CHD6: variants seen among roughly 807,000 people sequenced by gnomAD.
The protein encoded by CHD6 is chromodomain helicase DNA binding protein 6.
CHD6 carries 50 observed loss-of-function variants against 276.9 expected under a neutral mutation model. The ratio of observed to expected loss-of-function variants is 0.18; its 90% CI spans 0.14 to 0.23. The LOEUF (loss-of-function observed/expected upper bound fraction) is 0.23. Ranked by LOEUF, CHD6 falls within the 10% of genes least tolerant of loss-of-function variation. CHD6 has a pLI of 1.00. For missense variants in CHD6, 2,564 were observed against 3,365.8 expected (o/e 0.76, Z 5.89); for synonymous variants, 1,173 against 1,229.3 (o/e 0.95, Z 0.96).
chr20:41,406,451 G>C (rs1239138997), intron 36 of CHD6, among the ~76,000 whole-genome samples: 1 of 152,210 alleles, frequency 6.6e-6, no homozygotes, highest in African/African-American at 2.4e-5. Flanking sequence ...AATCCTGGGG[G>C]AGGGCAGATT....
At position 41,405,465 on chromosome 20, in the gene CHD6, T is replaced by C; in HGVS notation, c.7276A>G (p.Asn2426Asp). The C allele has an allele frequency of 6.4e-7, 1 of 1,556,110 alleles. No homozygotes were observed. The highest frequency in any genetic ancestry group is 8.7e-7 in the Non-Finnish European group (1 of 1,152,838). ...LRGFLPENKF[N>D]HTLAEPILRD... ...AGAATAGGCTCAGCCAGAGTGTGAT[T>C]GAACTTGTTTTCTGGAAGAAACCCC... The change falls in exon 37 of 37, where the codon AAT becomes GAT. Residue 2426 changes from asparagine (N) to aspartate (D), a missense_variant. Asn to Asp is a conservative substitution (Grantham distance 23). Around this residue, in one of 7 missense-constraint regions of CHD6, gnomAD observed 1,024 missense variants for 1,047.9 expected, o/e 0.98. Coordinates refer to ENST00000373233, the MANE Select transcript of CHD6 (RefSeq NM_032221.5).
intron 2 of CHD6, among the ~76,000 whole-genome samples, chr20:41,545,979 C>T (rs2045032744): frequency 6.6e-6 from 1 of 152,108 alleles, no homozygotes; most frequent in African/African-American, 2.4e-5. Flanking sequence ...CATGATCTTC[C>T]ACCACAAGGT....
At position 41,591,409 on chromosome 20, in the gene CHD6, T is replaced by C. The variant is rs868474721; in HGVS notation, c.-24+26931A>G. ...ACACACACACACACACACACACACA[T>C]ATATATATACATATATATATAAAAG... On this transcript the variant is annotated intron_variant, in intron 1 of 36. Transcript: ENST00000373233. Among the ~76,000 whole-genome samples, 885 of 136,760 alleles carry C rather than the reference T, an allele frequency of 6.5e-3. 5 individuals carry two copies. Among genetic ancestry groups the C allele is most frequent in the Middle Eastern group, 0.027 (7 of 264 alleles). 89.7% of individuals were successfully genotyped at this position (136,760 alleles called of 152,430 possible). A position where few individuals can be genotyped will look rare whatever the true frequency, so the allele number is the denominator to read the frequency against.
At chr20:41,503,083 T>C (rs2043876694) in intron 5 of CHD6, among the ~76,000 whole-genome samples, 1 of 152,222 alleles carries the variant, frequency 6.6e-6, no homozygotes, top group Admixed American at 6.5e-5. Flanking sequence ...GTCTTCTTTT[T>C]CATAGCTATG....
chr20:41,420,612 T>G lies in CHD6; in HGVS notation c.6023A>C (p.Asn2008Thr). Reference protein sequence around the residue: ...EPWKESAEGQNVFPTYPLEGS... With the variant: ...EPWKESAEGQTVFPTYPLEGS... ...TTCAAGAGGATATGTGGGGAAAACG[T>G]TTTGCCCCTCTGCACTTTCTTTCCA... is the stretch of plus-strand genomic sequence containing the variant. Residue 2008 changes from asparagine to threonine, a missense_variant, in exon 31 of 37, where the codon AAC becomes ACC. Around this residue, in one of 7 missense-constraint regions of CHD6, gnomAD observed 1,024 missense variants for 1,047.9 expected, o/e 0.98. Coordinates refer to ENST00000373233, the MANE Select transcript of CHD6 (RefSeq NM_032221.5). 9.9e-6 allele frequency: 16 copies of G among 1,614,188 alleles called. No individual in the cohort carries two copies. Among genetic ancestry groups the G allele is most frequent in the Non-Finnish European group, 1.4e-5 (16 of 1,180,024 alleles).
At chr20:41,455,713 A>T (rs1319032089) in intron 19 of CHD6, 87 bp downstream of exon 19, 3 of 858,226 alleles carry the variant, frequency 3.5e-6, no homozygotes, top group Non-Finnish European at 5.2e-6. Flanking sequence ...GCATTCAGAG[A>T]AACAGAAGCC....
Position 41,421,384 on chromosome 20 carries a change from C to T in CHD6, c.5251G>A (p.Glu1751Lys), listed in dbSNP as rs772626255. The T allele has an allele frequency of 4.3e-6, 7 of 1,614,074 alleles. No individual in the cohort carries two copies. Among genetic ancestry groups the T allele is most frequent in the Non-Finnish European group, 5.1e-6 (6 of 1,179,984 alleles). The change falls in exon 31 of 37, where the codon GAG becomes AAG. Residue 1751 changes from glutamate to lysine, a missense_variant. Physicochemically the swap from Glu to Lys is moderately conservative, Grantham distance 56. Coordinates refer to ENST00000373233, the MANE Select transcript of CHD6 (RefSeq NM_032221.5). ...GTAGGGCCAGAAGCTATTTCTGCCT[C>T]AGGGCCACCAGACTGGCAGTTCCCA... ...KDGNCQSGGP[E>K]AEIASGPTFM...
chr20:41,546,311 T>C lies in CHD6; in HGVS notation c.33+4994A>G, dbSNP rs550677216. On this transcript the variant is annotated intron_variant, in intron 2 of 36. Transcript: ENST00000373233. ...AGGACCTAAGAATGAAGGGCTCTGC[T>C]TACCCAACTCTTGGCATGGGGTCAG... Among the ~76,000 whole-genome samples, 15 of 152,304 alleles carry C rather than the reference T, an allele frequency of 9.8e-5. No homozygotes were observed. The South Asian group carries it at 2.5e-3, about 25-fold the overall frequency.
chr20:41,547,836 C>T (rs927011814), intron 2 of CHD6: 6 of 451,464 alleles, frequency 1.3e-5, no homozygotes, highest in Non-Finnish European at 2.2e-5. Flanking sequence ...TGACTACTGC[C>T]CAGTCTGTGT....
intron 1 of CHD6, among the ~76,000 whole-genome samples, chr20:41,581,216 T>C (rs944822245): frequency 2.0e-5 from 3 of 152,218 alleles, no homozygotes; most frequent in African/African-American, 7.2e-5. Context: ...ACGGTACTAT[T>C]ATTGTTCCCA....
intron 6 of CHD6, among the ~76,000 whole-genome samples, 190 bp downstream of exon 6, chr20:41,499,105 A>G (rs573955869): frequency 2.6e-5 from 4 of 152,180 alleles, no homozygotes; most frequent in Admixed American, 6.6e-5. Flanking sequence ...GCCATTCTAG[A>G]TATTTTAAGA....
intron 1 of CHD6, among the ~76,000 whole-genome samples, chr20:41,566,564 A>C (rs1210517288): frequency 6.6e-6 from 1 of 152,088 alleles, no homozygotes; most frequent in Non-Finnish European, 1.5e-5. Flanking sequence ...TACTGAGGGG[A>C]CCATGTGCAG....
At chr20:41,558,871 CT>C (rs910657267) in intron 1 of CHD6, among the ~76,000 whole-genome samples, 3 of 152,076 alleles carry the variant, frequency 2.0e-5, no homozygotes, top group African/African-American at 7.3e-5. Flanking sequence ...CACTCTGTTA[CT>C]CTCTTATTCT....
chr20:41,553,356 G>A (rs1479221393), intron 1 of CHD6, among the ~76,000 whole-genome samples: 1 of 152,182 alleles, frequency 6.6e-6, no homozygotes, highest in Non-Finnish European at 1.5e-5. Flanking sequence ...AGCCTCCTTG[G>A]TTTGGGCTAA....
intron 5 of CHD6, among the ~76,000 whole-genome samples, chr20:41,506,466 T>C (rs1171925643): frequency 6.6e-6 from 1 of 152,116 alleles, no homozygotes; most frequent in Non-Finnish European, 1.5e-5. Flanking sequence ...CACAACTCCC[T>C]CTCTCCTTTA....
In CHD6 at chr20:41,517,342, C is replaced by T. The variant is rs753512707; in HGVS notation, c.555-2390G>A. The stretch of plus-strand genomic sequence containing the variant: ...TAACTAATGGATACTAGGCTTAATA[C>T]CTGGGGGATGAAATAATCTATACAA... On this transcript the variant is annotated intron_variant, in intron 3 of 36. Coordinates refer to ENST00000373233, the MANE Select transcript of CHD6 (RefSeq NM_032221.5). 1.1e-4 allele frequency among the ~76,000 whole-genome samples: 16 copies of T among 151,982 alleles called. 1 individual carries two copies. Among genetic ancestry groups the T allele is most frequent in the Non-Finnish European group, 2.4e-4 (16 of 67,992 alleles).
chr20:41,563,506 C>A (rs952462693), intron 1 of CHD6, among the ~76,000 whole-genome samples: 1 of 152,076 alleles, frequency 6.6e-6, no homozygotes, highest in African/African-American at 2.4e-5. Flanking sequence ...GGTCACATGG[C>A]CAAACTCTTT....
intron 36 of CHD6, among the ~76,000 whole-genome samples, chr20:41,408,448 G>C (rs561147425): frequency 6.6e-6 from 1 of 152,206 alleles, no homozygotes; most frequent in African/African-American, 2.4e-5. Flanking sequence ...AAGAGAGACA[G>C]TAGGACTTGA....
intron 22 of CHD6, 44 bp downstream of exon 22, chr20:41,451,782 G>A: frequency 6.5e-7 from 1 of 1,543,684 alleles, no homozygotes; most frequent in Admixed American, 1.7e-5. Flanking sequence ...GGGATGAAGT[G>A]CATGGGAATC....
Sources: allele counts gnomAD v4.1 joint callset (sites outside exome capture counted in the v4.1 genomes callset), GRCh38; gene constraint gnomAD v4.1.1; regional missense constraint gnomAD v4.1.1; transcripts MANE v1.5; gene names NCBI Gene and HGNC (gene_info 2026-07-23, HGNC 2026-07-21).